Variants in SMG7 observed in about 807,000 individuals in gnomAD.
SMG7 encodes SMG7 nonsense mediated mRNA decay factor.
Under a neutral mutation model 148.2 loss-of-function variants are expected in SMG7, and 34 were observed. The ratio of observed to expected loss-of-function variants is 0.23; its 90% CI spans 0.17 to 0.31. The LOEUF (loss-of-function observed/expected upper bound fraction) is 0.31, where lower values mean the gene tolerates loss of function less well. SMG7 is among the 10% of genes least tolerant of loss of function. SMG7 has a pLI of 1.00. For missense variants in SMG7, 1,114 were observed against 1,408.4 expected (o/e 0.79, Z 3.35); for synonymous variants, 492 against 515.1 (o/e 0.96, Z 0.61).
intron 1 of SMG7, among the ~76,000 whole-genome samples, chr1:183,473,184 G>A (rs1230304714): frequency 6.6e-6 from 1 of 152,074 alleles, no homozygotes; most frequent in Non-Finnish European, 1.5e-5. Context: ...TCTCGGGTTG[G>A]GAGTATTGAG....
At chr1:183,532,355 T>G (rs558954425) in intron 8 of SMG7, among the ~76,000 whole-genome samples, 84 of 152,312 alleles carry the variant, frequency 5.5e-4, no homozygotes, top group African/African-American at 1.9e-3. Context: ...ACTAGGAACT[T>G]CTGTTAGAAA....
intron 1 of SMG7, among the ~76,000 whole-genome samples, chr1:183,488,392 G>A (rs1435428880): frequency 1.3e-5 from 2 of 152,200 alleles, no homozygotes; most frequent in East Asian, 3.8e-4. Flanking sequence ...CATGAGAATA[G>A]TTGATAGAGG....
chr1:183,532,912 G>A (rs192126610), intron 8 of SMG7, among the ~76,000 whole-genome samples: 2 of 152,240 alleles, frequency 1.3e-5, no homozygotes, highest in Admixed American at 6.5e-5. Flanking sequence ...TAGTTTCCTA[G>A]GAGAAAAAAG....
intron 1 of SMG7, among the ~76,000 whole-genome samples, chr1:183,510,816 A>C (rs1293755353): frequency 6.6e-6 from 1 of 151,998 alleles, no homozygotes; most frequent in Non-Finnish European, 1.5e-5. Context: ...TTACAGTAAA[A>C]ATTTCAAAAC....
chr1:183,542,549 A>G (rs182195057), intron 14 of SMG7, 47 bp downstream of exon 14: 1 of 1,505,748 alleles, frequency 6.6e-7, no homozygotes, highest in African/African-American at 1.4e-5. Flanking sequence ...GGCTCACACA[A>G]AAGGCAAGAT....
At chr1:183,497,861 C>T (rs1205538598) in intron 1 of SMG7, among the ~76,000 whole-genome samples, 1 of 152,160 alleles carries the variant, frequency 6.6e-6, no homozygotes, top group African/African-American at 2.4e-5. Flanking sequence ...TGAGCCACTG[C>T]ACCTGGCCAA....
rs1261411972 is a variant in SMG7, at chr1:183,554,083, T to G, written c.*2152T>G. 6.6e-6 allele frequency: 1 copy of G among 152,642 alleles called. No individual in the cohort carries two copies. Among genetic ancestry groups the G allele is most frequent in the Non-Finnish European group, 1.5e-5 (1 of 68,052 alleles). 9.5% of individuals were successfully genotyped at this position (152,642 alleles called of 1,614,324 possible). On this transcript the variant is annotated 3_prime_UTR_variant, in exon 23 of 23. Transcript: ENST00000688051. Reference sequence around the variant, plus strand: ...GTTTTGTGTAGTAAACTTTCTTTTGTGGTTTTTTGTTTTGTTTTCTGGGTT... The same window carrying G: ...GTTTTGTGTAGTAAACTTTCTTTTGGGGTTTTTTGTTTTGTTTTCTGGGTT...
chr1:183,552,392 TTTA>T lies in SMG7; in HGVS notation c.*471_*473del. 1 of 989,538 alleles carries T rather than the reference TTTA, an allele frequency of 1.0e-6. No individual in the cohort carries two copies. The highest frequency in any genetic ancestry group is 1.2e-6 in the Non-Finnish European group (1 of 832,316). The allele number at this position is 989,538 out of a possible 1,614,324, so 61.3% of individuals were successfully genotyped here. A position where few individuals can be genotyped will look rare whatever the true frequency, so the allele number is the denominator to read the frequency against. On this transcript the variant is annotated 3_prime_UTR_variant, in exon 23 of 23. Transcript: ENST00000688051. The stretch of plus-strand genomic sequence containing the variant: ...TAGTTGAAATTATTCTTAAACATCT[TTTA>T]TTATTATTACTCTCAGTAGTAAAAT...
chr1:183,535,318 A>G (rs1341690725), intron 10 of SMG7, among the ~76,000 whole-genome samples: 1 of 152,212 alleles, frequency 6.6e-6, no homozygotes, highest in Admixed American at 6.5e-5. Context: ...ATGTTGAACC[A>G]GAAGGAACAG....
chr1:183,537,617 A>G (rs1487635122), intron 11 of SMG7, among the ~76,000 whole-genome samples: 1 of 152,238 alleles, frequency 6.6e-6, no homozygotes, highest in African/African-American at 2.4e-5. Flanking sequence ...TCACGATAGT[A>G]TATCTTCTTC....
chr1:183,534,114 T>C (rs186281846), intron 10 of SMG7, among the ~76,000 whole-genome samples: 1 of 152,336 alleles, frequency 6.6e-6, no homozygotes, highest in African/African-American at 2.4e-5. Context: ...CAAAGTGAAC[T>C]TGAAGTAAAA....
intron 1 of SMG7, among the ~76,000 whole-genome samples, chr1:183,510,300 G>A (rs1661842258): frequency 6.6e-6 from 1 of 152,104 alleles, no homozygotes; most frequent in Non-Finnish European, 1.5e-5. Flanking sequence ...ATTTTTCAGG[G>A]GAGGAGCGAC....
intron 1 of SMG7, among the ~76,000 whole-genome samples, chr1:183,490,661 T>C (rs966150569): frequency 1.3e-5 from 2 of 152,226 alleles, no homozygotes; most frequent in South Asian, 4.1e-4. Flanking sequence ...ATATACTGTT[T>C]TAATCAAATT....
chr1:183,519,411 T>G (rs888624264), intron 4 of SMG7, among the ~76,000 whole-genome samples: 1 of 151,618 alleles, frequency 6.6e-6, no homozygotes, highest in African/African-American at 2.4e-5. Context: ...GATTGGTCCT[T>G]AAAGCAGATG....
Position 183,541,086 on chromosome 1 carries a change from T to G in SMG7, c.1398T>G (p.Ile466Met). Residue 466 changes from isoleucine to methionine, a missense_variant, in exon 13 of 23, where the codon ATT becomes ATG. Coordinates refer to ENST00000688051, the MANE Select transcript of SMG7 (RefSeq NM_001375584.1). Reference protein sequence around the residue: ...QQRLISIGKWIADNQPRLIQC... With the variant: ...QQRLISIGKWMADNQPRLIQC... ...GCTTGATCTCTATAGGCAAATGGAT[T>G]GCTGATAATCAGCCAAGGTAAGTCT... 6.2e-7 allele frequency: 1 copy of G among 1,613,568 alleles called. No homozygotes were observed. The highest frequency in any genetic ancestry group is 8.5e-7 in the Non-Finnish European group (1 of 1,179,542).
intron 1 of SMG7, among the ~76,000 whole-genome samples, chr1:183,479,349 G>A (rs145867055): frequency 1.5e-4 from 23 of 152,182 alleles, no homozygotes; most frequent in African/African-American, 4.3e-4. Flanking sequence ...AGCATCCCTG[G>A]CCTCTATCCA....
chr1:183,532,326 G>A (rs777851659), intron 8 of SMG7, among the ~76,000 whole-genome samples: 27 of 152,176 alleles, frequency 1.8e-4, no homozygotes, highest in Non-Finnish European at 3.2e-4. Flanking sequence ...GACTGGCTAT[G>A]GCTAAAGTGT....
At chr1:183,500,035 G>A (rs1054081992) in intron 1 of SMG7, among the ~76,000 whole-genome samples, 1 of 152,108 alleles carries the variant, frequency 6.6e-6, no homozygotes, top group Non-Finnish European at 1.5e-5. Context: ...AAAAGGCATT[G>A]GGTTCATTGC....
chr1:183,549,994 T>G, intron 20 of SMG7, 71 bp downstream of exon 20: 1 of 978,764 alleles, frequency 1.0e-6, no homozygotes, highest in South Asian at 2.1e-5. Flanking sequence ...GATAGTGAGA[T>G]TCTGTAATTA....
Sources: allele counts gnomAD v4.1 joint callset (sites outside exome capture counted in the v4.1 genomes callset), GRCh38; gene constraint gnomAD v4.1.1; transcripts MANE v1.5; gene names NCBI Gene and HGNC (gene_info 2026-07-23, HGNC 2026-07-21).